NFIC: variants seen among roughly 807,000 people sequenced by gnomAD.
NFIC encodes the protein nuclear factor 1 C-type.
Under a neutral mutation model 54.4 loss-of-function variants are expected in NFIC, and 12 were observed. That is an observed-to-expected ratio of 0.22 (90% CI 0.14 to 0.36). NFIC has a LOEUF of 0.36. NFIC is among the 10% of genes least tolerant of loss of function. The pLI, the probability that NFIC is intolerant of heterozygous loss-of-function variation, is 1.00. For synonymous variants in NFIC, 322 were observed against 319.2 expected, an observed-to-expected ratio of 1.01 and a Z score of -0.09; for missense variants, 575 against 718.2, an observed-to-expected ratio of 0.80 and a Z score of 2.28.
intron 6 of NFIC, among the ~76,000 whole-genome samples, chr19:3,446,168 G>A (rs918964287): frequency 6.6e-6 from 1 of 152,216 alleles, no homozygotes; most frequent in Non-Finnish European, 1.5e-5. Flanking sequence ...GTAGAAACCA[G>A]GGGGACCCCA....
chr19:3,450,970 T>C (rs2082453922), intron 7 of NFIC, among the ~76,000 whole-genome samples: 1 of 152,196 alleles, frequency 6.6e-6, no homozygotes, highest in Non-Finnish European at 1.5e-5. Context: ...GCTGAGTAAT[T>C]ACAGCAGAGA....
intron 3 of NFIC, 126 bp from the exon 4 acceptor site, chr19:3,433,392 A>G: frequency 1.1e-6 from 1 of 935,732 alleles, no homozygotes; most frequent in African/African-American, 1.6e-5. Flanking sequence ...ATTCCCCCAC[A>G]GCACAGGATG....
At chr19:3,430,941 A>AAAAAAAAAAAG (rs2082110685) in intron 3 of NFIC, among the ~76,000 whole-genome samples, 1 of 151,266 alleles carries the variant, frequency 6.6e-6, no homozygotes, top group African/African-American at 2.4e-5. Flanking sequence ...CAAAAAAAAA[A>AAAAAAAAAAAG]AAAAAGAAAA....
Position 3,452,967 on chromosome 19 carries a change from G to A in NFIC, c.1269+301G>A, listed in dbSNP as rs1302459678. On this transcript the variant is annotated intron_variant, in intron 8 of 10. Coordinates refer to ENST00000443272, the MANE Select transcript of NFIC (RefSeq NM_001245002.2). The surrounding 1 kb of genome is among the most constrained non-coding windows in gnomAD (Gnocchi z 5.3). ...AAGGCAGGGAGGGACTGGGCATAGC[G>A]GCTCATGCCTGTGATCCCAGCGCTT... Among the ~76,000 whole-genome samples the A allele has an allele frequency of 3.3e-5, 5 of 152,202 alleles. No individual in the cohort carries two copies. The highest frequency in any genetic ancestry group is 4.8e-5 in the African/African-American group (2 of 41,454).
chr19:3,424,751 C>A (rs949152415), intron 2 of NFIC, among the ~76,000 whole-genome samples: 2 of 152,344 alleles, frequency 1.3e-5, no homozygotes, highest in Non-Finnish European at 2.9e-5. Flanking sequence ...AGCAAGAAAG[C>A]GGCACAGCTG....
chr19:3,447,966 G>A (rs1262041694), intron 6 of NFIC, among the ~76,000 whole-genome samples: 3 of 152,230 alleles, frequency 2.0e-5, no homozygotes, highest in Non-Finnish European at 4.4e-5. Flanking sequence ...GTGCAATGGC[G>A]TGATCTCGGC....
chr19:3,375,286 C>T lies in NFIC; in HGVS notation c.31-6426C>T, dbSNP rs999933502. On this transcript the variant is annotated intron_variant, in intron 1 of 10. Transcript: ENST00000443272. This position sits in a 1 kb window ranked among gnomAD's most constrained non-coding sequence, Gnocchi z 4.6. Reference sequence around the variant, plus strand: ...ACGGCCCCAGCTGGACAACATTGTCCGGGCCTCCTGCCCGCCTGGCATCTC... The same window carrying T: ...ACGGCCCCAGCTGGACAACATTGTCTGGGCCTCCTGCCCGCCTGGCATCTC... Among the ~76,000 whole-genome samples, 3 of 152,168 alleles carry T rather than the reference C, an allele frequency of 2.0e-5. No individual in the cohort carries two copies. The highest frequency in any genetic ancestry group is 3.2e-3 in the Middle Eastern group (1 of 316).
In NFIC at chr19:3,450,374, G is replaced by T. The variant is rs146798002; in HGVS notation, c.1084+1235G>T. Among the ~76,000 whole-genome samples, 1,075 of 139,596 alleles carry T rather than the reference G, an allele frequency of 7.7e-3. 15 individuals are homozygous for T. Among genetic ancestry groups the T allele is most frequent in the African/African-American group, 0.027 (1,017 of 37,340 alleles). 91.6% of individuals were successfully genotyped at this position (139,596 alleles called of 152,430 possible). A position where few individuals can be genotyped will look rare whatever the true frequency, so the allele number is the denominator to read the frequency against. ...AAAAAAAAAGAGACATCTCCATCTC[G>T]GCCAGGCACAGTGGTTCACACCTGT... On this transcript the variant is annotated intron_variant, in intron 7 of 10. Transcript: ENST00000443272.
At chr19:3,456,218 C>CAGGACCAGGT (rs2082552375) in intron 9 of NFIC, among the ~76,000 whole-genome samples, 2 of 152,364 alleles carry the variant, frequency 1.3e-5, no homozygotes, top group East Asian at 3.9e-4. Flanking sequence ...CAGGACCGGG[C>CAGGACCAGGT]GGGCGCTGCC....
chr19:3,431,987 C>G (rs2082127433), intron 3 of NFIC, among the ~76,000 whole-genome samples: 1 of 152,160 alleles, frequency 6.6e-6, no homozygotes, highest in East Asian at 1.9e-4. Flanking sequence ...TCACACTGGA[C>G]TTTGAGTCTC....
At chr19:3,361,666 T>A (rs2080813429), upstream of NFIC, among the ~76,000 whole-genome samples, 1 of 151,316 alleles carries the variant, frequency 6.6e-6, no homozygotes, top group Admixed American at 6.6e-5. Flanking sequence ...CCAACAACAC[T>A]CAAGGTCATT....
At chr19:3,417,099 A>T (rs1376998323) in intron 2 of NFIC, among the ~76,000 whole-genome samples, 1 of 148,122 alleles carries the variant, frequency 6.8e-6, no homozygotes, top group African/African-American at 2.5e-5. Context: ...GTTAGCCAGG[A>T]TGGTCTCGAT....
chr19:3,400,859 A>C (rs2081544483), intron 2 of NFIC, among the ~76,000 whole-genome samples: 3 of 152,206 alleles, frequency 2.0e-5, no homozygotes, highest in Admixed American at 1.3e-4. Context: ...AATAATAATA[A>C]AAATAAAAAG....
At chr19:3,422,935 G>T (rs962020920) in intron 2 of NFIC, among the ~76,000 whole-genome samples, 1 of 151,950 alleles carries the variant, frequency 6.6e-6, no homozygotes, top group Non-Finnish European at 1.5e-5. Context: ...GGTGGCTCAC[G>T]CTTGGCATCC....
chr19:3,366,071 C>T (rs2080876919), upstream of NFIC, among the ~76,000 whole-genome samples: 3 of 151,950 alleles, frequency 2.0e-5, no homozygotes, highest in African/African-American at 4.8e-5. Context: ...AACTTCCCGG[C>T]CAGCTCGGGG....
intron 6 of NFIC, among the ~76,000 whole-genome samples, chr19:3,437,631 G>T: frequency 8.8e-6 from 1 of 113,310 alleles, no homozygotes; most frequent in Non-Finnish European, 1.7e-5. Context: ...ACGAGACTAT[G>T]TCTCAAAAAA....
chr19:3,370,332 ACT>A lies in NFIC; in HGVS notation c.30+3670_30+3671del, dbSNP rs2080977723. On this transcript the variant is annotated intron_variant, in intron 1 of 10. Coordinates refer to ENST00000443272, the MANE Select transcript of NFIC (RefSeq NM_001245002.2). The surrounding 1 kb of genome is among the most constrained non-coding windows in gnomAD (Gnocchi z 5.2). ...GATTCACTCTCTACAAGGCTCCACC[ACT>A]CTCCCGCTGTATCTCCCTCTGGGTC... Among the ~76,000 whole-genome samples the A allele has an allele frequency of 6.7e-6, 1 of 150,324 alleles. No homozygotes were observed. Among genetic ancestry groups the A allele is most frequent in the African/African-American group, 2.5e-5 (1 of 40,748 alleles).
In NFIC at chr19:3,468,661, T is replaced by G. The variant is rs2082748806; in HGVS notation, c.*5892T>G. 6.6e-6 allele frequency: 1 copy of G among 152,116 alleles called. No individual in the cohort carries two copies. Among genetic ancestry groups the G allele is most frequent in the East Asian group, 1.9e-4 (1 of 5,200 alleles). 9.4% of individuals were successfully genotyped at this position (152,116 alleles called of 1,614,324 possible). On this transcript the variant is annotated 3_prime_UTR_variant, in exon 11 of 11. Coordinates refer to ENST00000443272, the MANE Select transcript of NFIC (RefSeq NM_001245002.2). ...TTTTTTCTTTCTTTTTTCTCCCCTTTACTCTTTGGGTGGTGTTGCTTTTCC... is the reference window on the plus strand; with the variant it reads ...TTTTTTCTTTCTTTTTTCTCCCCTTGACTCTTTGGGTGGTGTTGCTTTTCC...
chr19:3,432,734 G>A (rs1208513416), intron 3 of NFIC, among the ~76,000 whole-genome samples: 2 of 150,642 alleles, frequency 1.3e-5, no homozygotes, highest in African/African-American at 4.9e-5. Flanking sequence ...GAGTGCAGTG[G>A]CGCAATCTCG....
Sources: allele counts gnomAD v4.1 joint callset (sites outside exome capture counted in the v4.1 genomes callset), GRCh38; gene constraint gnomAD v4.1.1; non-coding constraint Gnocchi (gnomAD v3.1); transcripts MANE v1.5; gene names NCBI Gene and HGNC (gene_info 2026-07-23, HGNC 2026-07-21).